BRINP1: variants seen among roughly 807,000 people sequenced by gnomAD.
BRINP1 encodes the protein BMP/retinoic acid inducible neural specific 1, also known as BMP/retinoic acid-inducible neural-specific protein 1.
In BRINP1, 17 loss-of-function variants were observed where a neutral mutation model predicts 72.9. The ratio of observed to expected loss-of-function variants is 0.23; its 90% CI spans 0.16 to 0.35. The LOEUF (loss-of-function observed/expected upper bound fraction) is 0.35, where lower values mean the gene tolerates loss of function less well. Ranked by LOEUF, BRINP1 falls within the 10% of genes least tolerant of loss-of-function variation. The pLI is 1.00. For synonymous variants in BRINP1, 418 were observed against 378.5 expected (o/e 1.10, Z -1.21); for missense variants, 850 against 1,001.6 (o/e 0.85, Z 2.04).
intron 2 of BRINP1, among the ~76,000 whole-genome samples, chr9:119,285,955 G>A (rs1014381645): frequency 1.3e-5 from 2 of 152,044 alleles, no homozygotes; most frequent in African/African-American, 2.4e-5. Context: ...CAACATCCCC[G>A]GGCAAACAGC....
rs181804236 is a variant in BRINP1, at chr9:119,302,595, T to C, written c.218+10543A>G. 2.9e-4 allele frequency among the ~76,000 whole-genome samples: 44 copies of C among 152,298 alleles called. No individual in the cohort carries two copies. In the South Asian group the frequency reaches 3.1e-3, roughly 11 times the overall value. ...TTAGAATAAAGTCTGAAGTCTTTTA[T>C]ATAACATGTACAGAGCTTCATGACC... On this transcript the variant is annotated intron_variant, in intron 2 of 7. Coordinates refer to ENST00000265922, the MANE Select transcript of BRINP1 (RefSeq NM_014618.3).
chr9:119,176,116 A>ACTGT (rs748016771), intron 7 of BRINP1, among the ~76,000 whole-genome samples: 3 of 152,210 alleles, frequency 2.0e-5, no homozygotes, highest in East Asian at 1.9e-4. Flanking sequence ...CTGCAAAGGG[A>ACTGT]CTGTCAGCAA....
intron 4 of BRINP1, among the ~76,000 whole-genome samples, chr9:119,240,096 C>T (rs1353916573): frequency 1.3e-5 from 2 of 151,990 alleles, no homozygotes; most frequent in African/African-American, 2.4e-5. Context: ...TGGTGAAACC[C>T]TATCTCTACT....
intron 7 of BRINP1, among the ~76,000 whole-genome samples, chr9:119,173,523 G>A (rs1186995344): frequency 6.6e-6 from 1 of 152,138 alleles, no homozygotes; most frequent in Non-Finnish European, 1.5e-5. Context: ...CTCATGGGTA[G>A]GAAGAATCAA....
intron 5 of BRINP1, among the ~76,000 whole-genome samples, chr9:119,224,553 G>C (rs1159096230): frequency 6.6e-6 from 1 of 152,024 alleles, no homozygotes; most frequent in Non-Finnish European, 1.5e-5. Flanking sequence ...ATTACTGTGT[G>C]GTAACGAATA....
chr9:119,214,566 T>C (rs1829959170), intron 5 of BRINP1, among the ~76,000 whole-genome samples: 1 of 149,144 alleles, frequency 6.7e-6, no homozygotes, highest in African/African-American at 2.5e-5. Context: ...AGTTCTGAGC[T>C]AGGCACTAGG....
At chr9:119,205,963 G>C (rs1414705004) in intron 7 of BRINP1, among the ~76,000 whole-genome samples, 1 of 151,760 alleles carries the variant, frequency 6.6e-6, no homozygotes, top group Non-Finnish European at 1.5e-5. Context: ...AATATTCTGG[G>C]CTGAATTACA....
rs1051329837 is a variant in BRINP1, at chr9:119,282,837, T to G, written c.218+30301A>C. ...AGGGGAGAGTAATAGCTGGTCACAG[T>G]GGAGAGACAGCAGTGATAGATTACC... On this transcript the variant is annotated intron_variant, in intron 2 of 7. Transcript: ENST00000265922. 5 of 985,180 alleles carry G rather than the reference T, an allele frequency of 5.1e-6. No individual in the cohort carries two copies. The Admixed American group carries it at 2.5e-4, about 48-fold the overall frequency. The allele number at this position is 985,180 out of a possible 1,614,324, so 61.0% of individuals were successfully genotyped here.
chr9:119,191,891 T>TA (rs941261837), intron 7 of BRINP1, among the ~76,000 whole-genome samples: 2 of 151,692 alleles, frequency 1.3e-5, no homozygotes, highest in African/African-American at 2.4e-5. Flanking sequence ...AGAACTGGCA[T>TA]AAAAAAACAG....
intron 1 of BRINP1, 74 bp from the exon 2 acceptor site, chr9:119,313,479 T>C: frequency 2.3e-6 from 3 of 1,314,386 alleles, no homozygotes; most frequent in East Asian, 5.1e-5. Flanking sequence ...GGAAGAGGAG[T>C]AAAAGAAAAA....
At chr9:119,181,465 G>A (rs371593186) in intron 7 of BRINP1, among the ~76,000 whole-genome samples, 1 of 152,152 alleles carries the variant, frequency 6.6e-6, no homozygotes, top group Non-Finnish European at 1.5e-5. Context: ...TTGACCTTCA[G>A]TATTCTTATC....
intron 2 of BRINP1, among the ~76,000 whole-genome samples, chr9:119,276,257 A>T (rs890103830): frequency 1.3e-4 from 20 of 152,238 alleles, no homozygotes; most frequent in Non-Finnish European, 1.9e-4. Flanking sequence ...TTTATGTTTA[A>T]CTATCAAAGC....
intron 2 of BRINP1, among the ~76,000 whole-genome samples, chr9:119,299,956 A>G (rs894718749): frequency 6.6e-6 from 1 of 152,196 alleles, no homozygotes; most frequent in Non-Finnish European, 1.5e-5. Context: ...TATTTCCTTA[A>G]TCACATTCTT....
chr9:119,209,976 G>T (rs939614401), intron 6 of BRINP1, among the ~76,000 whole-genome samples: 2 of 152,202 alleles, frequency 1.3e-5, no homozygotes, highest in Non-Finnish European at 2.9e-5. Flanking sequence ...CCAGGTAAAA[G>T]TTTCTGCCTC....
intron 2 of BRINP1, among the ~76,000 whole-genome samples, chr9:119,297,053 G>A (rs1489586430): frequency 1.3e-5 from 2 of 152,246 alleles, no homozygotes; most frequent in Admixed American, 6.5e-5. Flanking sequence ...TAGTTACTGT[G>A]TGGGTGATGG....
intron 1 of BRINP1, among the ~76,000 whole-genome samples, chr9:119,346,141 G>A (rs952776730): frequency 6.6e-5 from 10 of 151,964 alleles, no homozygotes; most frequent in Non-Finnish European, 1.5e-5. Flanking sequence ...ATATAAAAAA[G>A]GTACTCTATG....
chr9:119,350,317 G>C (rs891801966), intron 1 of BRINP1, among the ~76,000 whole-genome samples: 4 of 152,150 alleles, frequency 2.6e-5, no homozygotes, highest in African/African-American at 9.7e-5. Flanking sequence ...TCTGGACAGG[G>C]CCTAGATGTA....
At chr9:119,293,168 C>A (rs1025472796) in intron 2 of BRINP1, among the ~76,000 whole-genome samples, 42 of 152,030 alleles carry the variant, frequency 2.8e-4, no homozygotes, top group South Asian at 2.1e-4. Context: ...AAAATAAATT[C>A]TTCCCAAGAA....
intron 7 of BRINP1, among the ~76,000 whole-genome samples, chr9:119,174,239 G>C (rs1006860736): frequency 2.0e-5 from 3 of 149,914 alleles, no homozygotes; most frequent in Admixed American, 6.6e-5. Flanking sequence ...CTAATATCCA[G>C]AATCTACAAT....
Sources: allele counts gnomAD v4.1 joint callset (sites outside exome capture counted in the v4.1 genomes callset), GRCh38; gene constraint gnomAD v4.1.1; transcripts MANE v1.5; gene names NCBI Gene and HGNC (gene_info 2026-07-23, HGNC 2026-07-21).